DCDC1: variants seen among roughly 807,000 people sequenced by gnomAD.
DCDC1 encodes doublecortin domain-containing protein 1.
In DCDC1, 200 loss-of-function variants were observed where a neutral mutation model predicts 178.3. The observed-to-expected ratio is 1.12, with a 90% confidence interval of 1.00 to 1.26. DCDC1 has a LOEUF of 1.26. DCDC1 is among the 50% of genes most tolerant of loss of function. The pLI, the probability that DCDC1 is intolerant of heterozygous loss-of-function variation, is 0.00. For missense variants in DCDC1, 1,983 were observed against 1,749.2 expected (o/e 1.13, Z -2.38); for synonymous variants, 690 against 604.8 (o/e 1.14, Z -2.07).
chr11:31,309,138 ATGTTTGTGTGTG>A (rs1234810301), intron 3 of DCDC1, among the ~76,000 whole-genome samples: 1 of 55,410 alleles, frequency 1.8e-5, no homozygotes, highest in Non-Finnish European at 4.0e-5. Flanking sequence ...GGGAAAATAG[ATGTTTGTGTGTG>A]TGTGTGTGTG....
At chr11:31,208,924 C>T (rs999972223) in intron 9 of DCDC1, among the ~76,000 whole-genome samples, 1 of 152,160 alleles carries the variant, frequency 6.6e-6, no homozygotes, top group Non-Finnish European at 1.5e-5. Flanking sequence ...TAGCATCCAA[C>T]AGCACCTGAA....
chr11:30,997,822 T>C (rs1240136800), intron 20 of DCDC1, among the ~76,000 whole-genome samples: 1 of 152,172 alleles, frequency 6.6e-6, no homozygotes, highest in African/African-American at 2.4e-5. Context: ...TGTGTGTGTG[T>C]GTGTGTGTGT....
At chr11:31,165,337 T>C (rs1354362972) in intron 9 of DCDC1, among the ~76,000 whole-genome samples, 1 of 152,200 alleles carries the variant, frequency 6.6e-6, no homozygotes, top group East Asian at 1.9e-4. Context: ...AAAGCCTTTT[T>C]TTTTTCTTAA....
At chr11:31,352,231 G>T (rs1177412473) in intron 1 of DCDC1, among the ~76,000 whole-genome samples, 1 of 152,178 alleles carries the variant, frequency 6.6e-6, no homozygotes, top group East Asian at 1.9e-4. Context: ...AAGAAACCAT[G>T]TGCTGTCATG....
At chr11:31,207,077 C>T (rs1971950061) in intron 9 of DCDC1, among the ~76,000 whole-genome samples, 1 of 152,098 alleles carries the variant, frequency 6.6e-6, no homozygotes, top group Admixed American at 6.6e-5. Context: ...TTGGTGAAAG[C>T]CAGTATAGTA....
chr11:31,148,858 C>G (rs568950617), intron 9 of DCDC1, among the ~76,000 whole-genome samples: 64 of 152,250 alleles, frequency 4.2e-4, no homozygotes, highest in African/African-American at 1.5e-3. Context: ...AAGCAGTATA[C>G]ACTGTGCCCA....
At chr11:31,102,032 G>C (rs944388577) in intron 15 of DCDC1, 145 bp downstream of exon 15, 1 of 434,608 alleles carries the variant, frequency 2.3e-6, no homozygotes, top group African/African-American at 2.0e-5. Flanking sequence ...AGCCGAGATG[G>C]CACCACTGCA....
At chr11:31,109,010 C>T (rs1267912494) in intron 12 of DCDC1, among the ~76,000 whole-genome samples, 1 of 152,096 alleles carries the variant, frequency 6.6e-6, no homozygotes, top group African/African-American at 2.4e-5. Context: ...CTTTATAATG[C>T]CCCTAATTAA....
At chr11:31,188,504 A>C (rs1230951295) in intron 9 of DCDC1, among the ~76,000 whole-genome samples, 2 of 152,206 alleles carry the variant, frequency 1.3e-5, no homozygotes, top group Non-Finnish European at 2.9e-5. Flanking sequence ...CTTACCATAG[A>C]ATATATAATT....
intron 3 of DCDC1, among the ~76,000 whole-genome samples, chr11:31,313,746 C>G (rs1468243978): frequency 1.3e-5 from 2 of 152,012 alleles, no homozygotes; most frequent in Admixed American, 6.6e-5. Context: ...AGGTATAGTT[C>G]CTTTGCATGT....
At chr11:31,361,168 T>A (rs908097511) in intron 1 of DCDC1, among the ~76,000 whole-genome samples, 1 of 152,150 alleles carries the variant, frequency 6.6e-6, no homozygotes, top group Non-Finnish European at 1.5e-5. Context: ...ACACATACAA[T>A]TGAATATAAA....
intron 20 of DCDC1, among the ~76,000 whole-genome samples, chr11:31,033,776 A>C (rs1052737450): frequency 6.6e-6 from 1 of 152,106 alleles, no homozygotes; most frequent in Non-Finnish European, 1.5e-5. Context: ...TAACTTGATA[A>C]ATCTGACCCT....
chr11:31,048,063 T>C (rs993469436), intron 20 of DCDC1, among the ~76,000 whole-genome samples: 3 of 152,114 alleles, frequency 2.0e-5, no homozygotes, highest in African/African-American at 7.2e-5. Context: ...ATAATCACTA[T>C]CCCTCTTTTG....
chr11:31,037,884 T>C (rs1358093891), intron 20 of DCDC1, among the ~76,000 whole-genome samples: 1 of 152,128 alleles, frequency 6.6e-6, no homozygotes, highest in East Asian at 1.9e-4. Flanking sequence ...GTCTTTTATT[T>C]AGTGTTTTTT....
At chr11:31,291,763 T>C (rs1255623977) in intron 6 of DCDC1, among the ~76,000 whole-genome samples, 1 of 152,122 alleles carries the variant, frequency 6.6e-6, no homozygotes, top group African/African-American at 2.4e-5. Context: ...AAACATAATT[T>C]TATTTATAGA....
At chr11:31,265,677 T>A in intron 7 of DCDC1, 77 bp from the exon 8 acceptor site, 2 of 516,166 alleles carry the variant, frequency 3.9e-6, no homozygotes, top group Non-Finnish European at 6.2e-6. Flanking sequence ...TTTTCTATAC[T>A]ACACAGCTAT....
At chr11:31,132,521 T>C (rs1402245587) in intron 10 of DCDC1, among the ~76,000 whole-genome samples, 3 of 151,288 alleles carry the variant, frequency 2.0e-5, no homozygotes, top group Non-Finnish European at 4.4e-5. Context: ...CTTCAAATCC[T>C]TTTTTTTTCC....
intron 9 of DCDC1, among the ~76,000 whole-genome samples, chr11:31,142,083 G>A (rs1963888811): frequency 1.3e-5 from 2 of 152,214 alleles, no homozygotes; most frequent in Non-Finnish European, 2.9e-5. Flanking sequence ...ATTGCTGGCT[G>A]CCATTTATGT....
At chr11:31,284,073 G>T (rs1185352038) in intron 7 of DCDC1, among the ~76,000 whole-genome samples, 1 of 151,488 alleles carries the variant, frequency 6.6e-6, no homozygotes, top group East Asian at 1.9e-4. Context: ...CTTCTCTTAG[G>T]CATTACAGCT....
Sources: allele counts gnomAD v4.1 joint callset (sites outside exome capture counted in the v4.1 genomes callset), GRCh38; gene constraint gnomAD v4.1.1; transcripts MANE v1.5; gene names NCBI Gene and HGNC (gene_info 2026-07-23, HGNC 2026-07-21).